The following OSCP1 variants were observed in gnomAD, a reference collection of about 807,000 sequenced individuals.
The protein encoded by OSCP1 is organic solute carrier partner 1.
A neutral mutation model predicts 45.1 loss-of-function variants in OSCP1; 35 were observed. The ratio of observed to expected loss-of-function variants is 0.78; its 90% CI spans 0.59 to 1.03. OSCP1 has a LOEUF of 1.03. Among genes scored for constraint, OSCP1 ranks in the 50% least tolerant of loss-of-function variants. OSCP1 has a pLI of 0.00. For synonymous variants in OSCP1, 179 were observed against 180.1 expected, an observed-to-expected ratio of 0.99 and a Z score of 0.05; for missense variants, 400 against 470.7, an observed-to-expected ratio of 0.85 and a Z score of 1.39.
At chr1:36,439,799 A>G (rs1649010908) in intron 1 of OSCP1, among the ~76,000 whole-genome samples, 1 of 152,234 alleles carries the variant, frequency 6.6e-6, no homozygotes, top group Non-Finnish European at 1.5e-5. Flanking sequence ...TCAAATGGAA[A>G]ATTTCCCTCT....
At chr1:36,437,780 G>A (rs1380232633) in intron 2 of OSCP1, among the ~76,000 whole-genome samples, 1 of 152,138 alleles carries the variant, frequency 6.6e-6, no homozygotes, top group Non-Finnish European at 1.5e-5. Context: ...CGGCCTCCCA[G>A]TGCTAGGATT....
intron 4 of OSCP1, 42 bp downstream of exon 4, chr1:36,431,760 A>G (rs1206668053): frequency 6.3e-7 from 1 of 1,594,348 alleles, no homozygotes; most frequent in East Asian, 2.2e-5. Flanking sequence ...TTTCCCTGGT[A>G]CAGCAGCTCC....
chr1:36,436,321 A>G (rs966680383), intron 2 of OSCP1, among the ~76,000 whole-genome samples: 1 of 150,800 alleles, frequency 6.6e-6, no homozygotes, highest in African/African-American at 2.4e-5. Flanking sequence ...CATGTTAGCC[A>G]GGATGGTCTC....
intron 1 of OSCP1, among the ~76,000 whole-genome samples, chr1:36,448,546 C>T (rs1649674916): frequency 1.3e-5 from 2 of 152,162 alleles, no homozygotes; most frequent in Non-Finnish European, 2.9e-5. Context: ...TTCAGTATAG[C>T]ATGGCCAGTG....
Position 36,450,388 on chromosome 1 carries a change from G to C in OSCP1, c.-19C>G, listed in dbSNP as rs910012720. The C allele has an allele frequency of 6.2e-7, 1 of 1,602,520 alleles. No homozygotes were observed. The highest frequency in any genetic ancestry group is 8.5e-7 in the Non-Finnish European group (1 of 1,169,854). On this transcript the variant is annotated 5_prime_UTR_variant, in exon 1 of 10. Transcript: ENST00000235532. ...CCGACATGGTGCTGGAAACGAGCTG[G>C]ACTGGTGAAGAGCCCCGGGGTTCGG...
chr1:36,425,303 C>T lies in OSCP1; in HGVS notation c.517-1837G>A, dbSNP rs552961138. Among the ~76,000 whole-genome samples, 24 of 152,244 alleles carry T rather than the reference C, an allele frequency of 1.6e-4. No homozygotes were observed. In the South Asian group the frequency reaches 3.7e-3, roughly 24 times the overall value. On this transcript the variant is annotated intron_variant, in intron 4 of 9. Transcript: ENST00000235532. ...AGACTCTGAAGGCTTAAATACTGGA[C>T]GGGCCACTTCTGGGTTTTTGGGAAA...
At chr1:36,429,812 A>ATTT (rs34228845) in intron 4 of OSCP1, among the ~76,000 whole-genome samples, 3 of 139,490 alleles carry the variant, frequency 2.2e-5, no homozygotes, top group African/African-American at 7.9e-5. Context: ...CAGTAGCATG[A>ATTT]TTTTTTTTTT....
chr1:36,422,702 T>TC (rs965284137), intron 6 of OSCP1, 66 bp downstream of exon 6: 127 of 304,576 alleles, frequency 4.2e-4, no homozygotes, highest in African/African-American at 2.6e-3. Flanking sequence ...GCTGTTTCTC[T>TC]TTTTTTTTTT....
intron 1 of OSCP1, among the ~76,000 whole-genome samples, chr1:36,442,128 G>A (rs1287223611): frequency 6.6e-6 from 1 of 151,912 alleles, no homozygotes; most frequent in East Asian, 1.9e-4. Flanking sequence ...TCAGGAGGCT[G>A]AGGCAGGAGA....
intron 5 of OSCP1, 145 bp downstream of exon 5, chr1:36,423,218 C>G: frequency 1.3e-6 from 1 of 768,744 alleles, no homozygotes; most frequent in Admixed American, 2.1e-5. Flanking sequence ...GGATTAGAAC[C>G]TGACTTTTTC....
chr1:36,418,411 G>C (rs887140587), intron 9 of OSCP1, 156 bp from the exon 10 acceptor site: 2 of 641,158 alleles, frequency 3.1e-6, no homozygotes, highest in Non-Finnish European at 5.5e-6. Context: ...GCTGATCAGA[G>C]AGAAGAAGAG....
intron 8 of OSCP1, chr1:36,419,274 T>G: frequency 1.8e-6 from 1 of 541,402 alleles, no homozygotes; most frequent in East Asian, 3.0e-5. Context: ...GCCAAGAATG[T>G]TTCTTCCCTT....
At chr1:36,444,868 G>T (rs1649420093) in intron 1 of OSCP1, among the ~76,000 whole-genome samples, 1 of 152,098 alleles carries the variant, frequency 6.6e-6, no homozygotes, top group African/African-American at 2.4e-5. Context: ...CCTATTGTGG[G>T]GATAAAGCAT....
chr1:36,449,059 A>G (rs1649713360), intron 1 of OSCP1, among the ~76,000 whole-genome samples: 1 of 152,238 alleles, frequency 6.6e-6, no homozygotes, highest in Admixed American at 6.5e-5. Flanking sequence ...ACAATAGTTA[A>G]TATCTGAATA....
rs1261092739 is a variant in OSCP1 at position 36,422,753 on chromosome 1, G to A, written c.749+15C>T. On this transcript the variant is annotated intron_variant, in intron 6 of 9. Transcript: ENST00000235532. Reference sequence around the variant, plus strand: ...TCCCTTGGACTTGAATTCACTCAGAGAAGAATTTGCTTACATGTTAGTTCC... The same window carrying A: ...TCCCTTGGACTTGAATTCACTCAGAAAAGAATTTGCTTACATGTTAGTTCC... 12 of 1,550,326 alleles carry A rather than the reference G, an allele frequency of 7.7e-6. No homozygotes were observed. The highest frequency in any genetic ancestry group is 1.0e-5 in the Non-Finnish European group (12 of 1,144,226).
chr1:36,435,091 C>CTTTTTTTTTTTTTT (rs201268337), intron 2 of OSCP1, among the ~76,000 whole-genome samples: 1 of 125,748 alleles, frequency 8.0e-6, no homozygotes, highest in Non-Finnish European at 1.7e-5. Flanking sequence ...TTTTCTTTTT[C>CTTTTTTTTTTTTTT]TTTTTTTTTT....
intron 5 of OSCP1, among the ~76,000 whole-genome samples, 193 bp from the exon 6 acceptor site, chr1:36,423,089 A>T (rs1647751011): frequency 6.6e-6 from 1 of 152,200 alleles, no homozygotes; most frequent in Non-Finnish European, 1.5e-5. Context: ...ATTGCTTTGT[A>T]AGCACGTTAG....
At chr1:36,423,279 T>C in intron 5 of OSCP1, 84 bp downstream of exon 5, 2 of 1,105,456 alleles carry the variant, frequency 1.8e-6, no homozygotes, top group East Asian at 2.4e-5. Flanking sequence ...TGTGAGTGGC[T>C]TGGCAGTGCG....
chr1:36,449,942 G>C (rs1423244736), intron 1 of OSCP1, among the ~76,000 whole-genome samples: 1 of 148,636 alleles, frequency 6.7e-6, no homozygotes, highest in Non-Finnish European at 1.5e-5. Flanking sequence ...GTGGGCAGCT[G>C]GGACTCCTAC....
Sources: gnomAD v4.1 joint callset for allele counts (sites outside exome capture counted in the v4.1 genomes callset) on GRCh38, gnomAD v4.1.1 for gene constraint, MANE v1.5 for transcripts, NCBI Gene and HGNC (gene_info 2026-07-23, HGNC 2026-07-21) for gene names.